The following PDS5B variants were observed in gnomAD, a reference collection of about 807,000 sequenced individuals.
PDS5B encodes the protein PDS5 cohesin associated factor B, also known as sister chromatid cohesion protein PDS5 homolog B.
PDS5B carries 51 observed loss-of-function variants against 184.1 expected under a neutral mutation model. The ratio of observed to expected loss-of-function variants is 0.28; its 90% CI spans 0.22 to 0.35. PDS5B has a LOEUF of 0.35. Among genes scored for constraint, PDS5B ranks in the 10% least tolerant of loss-of-function variants. The pLI is 1.00. For missense variants in PDS5B, 1,180 were observed against 1,723.3 expected, an observed-to-expected ratio of 0.68 and a Z score of 5.58; for synonymous variants, 566 against 569.2, an observed-to-expected ratio of 0.99 and a Z score of 0.08.
At chr13:32,678,050 A>G (rs1339833994) in intron 9 of PDS5B, among the ~76,000 whole-genome samples, 1 of 152,112 alleles carries the variant, frequency 6.6e-6, no homozygotes, top group Admixed American at 6.5e-5. Context: ...TCAAGTTTTT[A>G]GATCTAACTA....
At chr13:32,606,912 A>G (rs1360528921) in intron 1 of PDS5B, among the ~76,000 whole-genome samples, 1 of 152,188 alleles carries the variant, frequency 6.6e-6, no homozygotes, top group Non-Finnish European at 1.5e-5. Context: ...TTTTCAGTCC[A>G]TCAGGTCATT....
Position 32,688,528 on chromosome 13 carries a change from C to G in PDS5B, c.1428C>G (p.Cys476Trp), listed in dbSNP as rs780044352. 1.2e-6 allele frequency: 2 copies of G among 1,604,764 alleles called. No individual in the cohort carries two copies. Among genetic ancestry groups the G allele is most frequent in the Admixed American group, 1.7e-5 (1 of 59,972 alleles). The change falls in exon 13 of 35, where the codon TGC becomes TGG. Residue 476 changes from cysteine to tryptophan, a missense_variant. Transcript: ENST00000315596. ...TAGAAACTACAGAACGGATGAAATG[C>G]TTATATTACTTGTATGCCACACTGG... ...HNLETTERMKCLYYLYATLDL... is the reference protein window; with the variant it reads ...HNLETTERMKWLYYLYATLDL...
At chr13:32,664,088 A>G (rs1950722018) in intron 6 of PDS5B, among the ~76,000 whole-genome samples, 1 of 152,192 alleles carries the variant, frequency 6.6e-6, no homozygotes, top group Admixed American at 6.5e-5. Flanking sequence ...CATGGTGTAT[A>G]TATACCATGT....
In PDS5B at chr13:32,770,432, A is replaced by G. The variant is rs1954741668; in HGVS notation, c.3936A>G (p.Lys1312=). The G allele has an allele frequency of 6.2e-7, 1 of 1,613,652 alleles. No homozygotes were observed. Among genetic ancestry groups the G allele is most frequent in the East Asian group, 2.2e-5 (1 of 44,826 alleles). ...AAGAGCCAACAATGAAAACTTCTAAAAAAGGAAGCAAAAAAAAATCTGGAC... is the reference window on the plus strand; with the variant it reads ...AAGAGCCAACAATGAAAACTTCTAAGAAAGGAAGCAAAAAAAAATCTGGAC... ...PKEEPTMKTS[K]KGSKKKSGPP... is the part of the protein sequence containing the mutation. The change falls in exon 32 of 35, where the codon AAA becomes AAG. Residue 1312 remains lysine, a synonymous_variant. Coordinates refer to ENST00000315596, the MANE Select transcript of PDS5B (RefSeq NM_015032.4).
At chr13:32,644,422 C>G (rs1270398615) in intron 1 of PDS5B, among the ~76,000 whole-genome samples, 1 of 152,118 alleles carries the variant, frequency 6.6e-6, no homozygotes, top group Non-Finnish European at 1.5e-5. Context: ...TAAACTCAGT[C>G]TTAATAATTC....
At chr13:32,588,014 A>G (rs927359330) in intron 1 of PDS5B, among the ~76,000 whole-genome samples, 7 of 152,208 alleles carry the variant, frequency 4.6e-5, no homozygotes, top group African/African-American at 1.7e-4. Context: ...CATTGTTCTC[A>G]GTTAACACAT....
intron 15 of PDS5B, among the ~76,000 whole-genome samples, chr13:32,698,795 C>T (rs1436593045): frequency 6.6e-6 from 1 of 151,702 alleles, no homozygotes; most frequent in Non-Finnish European, 1.5e-5. Flanking sequence ...ACTCTGTCGC[C>T]TAGGCTGGAG....
At chr13:32,716,687 G>A (rs1328594914) in intron 19 of PDS5B, among the ~76,000 whole-genome samples, 1 of 129,270 alleles carries the variant, frequency 7.7e-6, no homozygotes, top group African/African-American at 2.9e-5. Context: ...CCCCCCGCCC[G>A]GCCAGCTGCC....
chr13:32,709,323 G>T (rs1369480139), intron 18 of PDS5B, among the ~76,000 whole-genome samples: 1 of 151,854 alleles, frequency 6.6e-6, no homozygotes, highest in African/African-American at 2.4e-5. Flanking sequence ...GGGGCAAGGG[G>T]TCTAATTTGA....
intron 25 of PDS5B, among the ~76,000 whole-genome samples, chr13:32,755,581 C>T (rs1954144814): frequency 6.6e-6 from 1 of 152,088 alleles, no homozygotes; most frequent in South Asian, 2.1e-4. Context: ...TTTGTAGCCT[C>T]AGCCCATGGT....
chr13:32,681,517 G>A (rs1951242489), intron 10 of PDS5B, among the ~76,000 whole-genome samples: 1 of 151,912 alleles, frequency 6.6e-6, no homozygotes, highest in East Asian at 1.9e-4. Flanking sequence ...GCAGCTACCC[G>A]GGAGGCTGAG....
chr13:32,705,466 G>T (rs543294449), intron 17 of PDS5B, among the ~76,000 whole-genome samples: 1 of 152,220 alleles, frequency 6.6e-6, no homozygotes, highest in Admixed American at 6.5e-5. Flanking sequence ...CTATAATGGG[G>T]ACAGATATAT....
intron 1 of PDS5B, among the ~76,000 whole-genome samples, chr13:32,594,713 C>T (rs2057831437): frequency 6.6e-6 from 1 of 151,954 alleles, no homozygotes; most frequent in African/African-American, 2.4e-5. Context: ...GTTTTTGTAC[C>T]CTCATGCTGC....
intron 1 of PDS5B, among the ~76,000 whole-genome samples, chr13:32,596,076 G>A (rs1331242839): frequency 6.6e-6 from 1 of 151,954 alleles, no homozygotes; most frequent in African/African-American, 2.4e-5. Context: ...TTTTTATTGA[G>A]GTGTAATTAA....
intron 1 of PDS5B, among the ~76,000 whole-genome samples, chr13:32,630,605 T>C (rs2032495): frequency 0.44 from 67,562 of 151,922 alleles, 15,596 homozygotes; most frequent in African/African-American, 0.55. Context: ...CTCTGGTCTT[T>C]TTTGATAGTA....
At chr13:32,676,661 G>A (rs1951071408) in intron 9 of PDS5B, among the ~76,000 whole-genome samples, 1 of 152,160 alleles carries the variant, frequency 6.6e-6, no homozygotes, top group African/African-American at 2.4e-5. Context: ...GCCGGGCGCG[G>A]TGGCTCATGC....
chr13:32,619,299 T>C (rs1189924901), intron 1 of PDS5B, among the ~76,000 whole-genome samples: 4 of 152,220 alleles, frequency 2.6e-5, no homozygotes, highest in Non-Finnish European at 5.9e-5. Context: ...TTCTTCACTA[T>C]GTGAACATGG....
chr13:32,770,042 A>G, intron 31 of PDS5B, 79 bp from the exon 32 acceptor site: 1 of 1,259,054 alleles, frequency 7.9e-7, no homozygotes, highest in Admixed American at 2.4e-5. Flanking sequence ...ATTAGATAAC[A>G]GATTTTTTTG....
intron 21 of PDS5B, among the ~76,000 whole-genome samples, chr13:32,740,422 G>A (rs1406953151): frequency 6.6e-6 from 1 of 152,160 alleles, no homozygotes; most frequent in Non-Finnish European, 1.5e-5. Flanking sequence ...CTTTGTGTTT[G>A]AGGGAGTTTG....
Sources: allele counts gnomAD v4.1 joint callset (sites outside exome capture counted in the v4.1 genomes callset), GRCh38; gene constraint gnomAD v4.1.1; transcripts MANE v1.5; gene names NCBI Gene and HGNC (gene_info 2026-07-23, HGNC 2026-07-21).